The following USP42 variants were observed in gnomAD, a reference collection of about 807,000 sequenced individuals.
USP42 encodes the protein ubiquitin carboxyl-terminal hydrolase 42.
Under a neutral mutation model 113.0 loss-of-function variants are expected in USP42, and 23 were observed. The observed-to-expected ratio is 0.20, with a 90% CI of 0.15 to 0.29. USP42 has a LOEUF of 0.29. USP42 is among the 10% of genes least tolerant of loss of function. USP42 has a pLI of 1.00. For missense variants in USP42, 2,174 were observed against 1,779.8 expected (o/e 1.22, Z -3.99); for synonymous variants, 933 against 699.0 (o/e 1.33, Z -5.28).
chr7:6,083,641 A>G, the USP42 span, among the ~76,000 whole-genome samples: 2 of 150,702 alleles, frequency 1.3e-5, no homozygotes, highest in Non-Finnish European at 2.9e-5. Flanking sequence ...TAACACCAGA[A>G]TATATAAGTA....
At chr7:6,145,408 G>C in intron 9 of USP42, 108 bp from the exon 10 acceptor site, 1 of 1,299,520 alleles carries the variant, frequency 7.7e-7, no homozygotes, top group Non-Finnish European at 1.1e-6. Context: ...ACAGGGCTCA[G>C]GTGTTCTGTG....
In USP42 at chr7:6,155,080, A is replaced by G. The variant is rs201338882; in HGVS notation, c.3526A>G (p.Lys1176Glu). The G allele has an allele frequency of 2.3e-4, 360 of 1,562,642 alleles. No homozygotes were observed. Among genetic ancestry groups the G allele is most frequent in the Non-Finnish European group, 3.0e-4 (345 of 1,153,590 alleles). ...SVENSDSHVE[K>E]KARRSEQKDP... ...GGAGAACAGTGACAGTCATGTTGAAAAGAAAGCCCGGAGGAGCGAACAGAA... is the reference window on the plus strand; with the variant it reads ...GGAGAACAGTGACAGTCATGTTGAAGAGAAAGCCCGGAGGAGCGAACAGAA... Residue 1176 changes from lysine (K) to glutamate (E), a missense_variant, in exon 15 of 18, where the codon AAG becomes GAG. Transcript: ENST00000306177.
At chr7:6,151,462 G>A (rs1258225117) in intron 14 of USP42, among the ~76,000 whole-genome samples, 2 of 152,042 alleles carry the variant, frequency 1.3e-5, no homozygotes, top group Non-Finnish European at 1.5e-5. Flanking sequence ...TGTTTGAGAC[G>A]GAGTCTCGCT....
chr7:6,154,792 G>C lies in USP42; in HGVS notation c.3238G>C (p.Gly1080Arg). Residue 1080 changes from glycine to arginine, a missense_variant, in exon 15 of 18, where the codon GGC becomes CGC. Gly to Arg is a moderately radical substitution (Grantham distance 125, BLOSUM62 -2). Coordinates refer to ENST00000306177, the MANE Select transcript of USP42 (RefSeq NM_032172.3). ...CCGGGACTGGAAGCCCTTCCACGGCGGCCGCGAGCACGAGCGGGCCGGGCT... is the reference window on the plus strand; with the variant it reads ...CCGGGACTGGAAGCCCTTCCACGGCCGCCGCGAGCACGAGCGGGCCGGGCT... Reference protein sequence around the residue: ...AARDWKPFHGGREHERAGLHE... With the variant: ...AARDWKPFHGRREHERAGLHE... The C allele has an allele frequency of 6.5e-7, 1 of 1,548,190 alleles. No homozygotes were observed.
rs1436682615 is a variant in USP42, at chr7:6,147,635, C to A, written c.1233-104C>A. 9 of 1,337,954 alleles carry A rather than the reference C, an allele frequency of 6.7e-6. No individual in the cohort carries two copies. In the East Asian group the frequency reaches 1.0e-4, roughly 15 times the overall value. 82.9% of individuals were successfully genotyped at this position (1,337,954 alleles called of 1,614,324 possible). ...TGTAGCATAAACATGCTATTTTTTT[C>A]ATCAGGTTTCCGCCTGAGGGGTTAA... On this transcript the variant is annotated intron_variant, in intron 11 of 17. Coordinates refer to ENST00000306177, the MANE Select transcript of USP42 (RefSeq NM_032172.3).
intron 1 of USP42, among the ~76,000 whole-genome samples, chr7:6,108,484 G>T (rs547136807): frequency 6.6e-6 from 1 of 152,128 alleles, no homozygotes; most frequent in Non-Finnish European, 1.5e-5. Context: ...TACTTTTACA[G>T]TATCCTTTTC....
At chr7:6,095,788 G>A in the USP42 span, among the ~76,000 whole-genome samples, 1 of 150,872 alleles carries the variant, frequency 6.6e-6, no homozygotes, top group Non-Finnish European at 1.5e-5. Context: ...TTTTGTTTTT[G>A]AGACAGGGTC....
the USP42 span, among the ~76,000 whole-genome samples, chr7:6,097,609 G>C: frequency 1.4e-5 from 2 of 143,860 alleles, no homozygotes; most frequent in Middle Eastern, 3.6e-3. Flanking sequence ...TTTTTTTTTC[G>C]AGACAGAGTC....
intron 3 of USP42, among the ~76,000 whole-genome samples, chr7:6,120,462 C>T (rs1223620559): frequency 6.6e-6 from 1 of 152,074 alleles, no homozygotes; most frequent in African/African-American, 2.4e-5. Context: ...AGGCTGGTCT[C>T]AAACTCCTGA....
At chr7:6,129,112 C>G (rs562323372) in intron 3 of USP42, among the ~76,000 whole-genome samples, 1 of 152,114 alleles carries the variant, frequency 6.6e-6, no homozygotes, top group Non-Finnish European at 1.5e-5. Flanking sequence ...GGGCCTGTAG[C>G]CTTTTTAGTG....
intron 5 of USP42, 58 bp from the exon 6 acceptor site, chr7:6,140,070 A>T: frequency 6.8e-7 from 1 of 1,470,524 alleles, no homozygotes; most frequent in Non-Finnish European, 9.5e-7. Context: ...AAATCTGGTC[A>T]CAGCATCTGG....
At position 6,154,180 on chromosome 7, in the gene USP42, A is replaced by G. The variant is rs1266996264; in HGVS notation, c.2626A>G (p.Ser876Gly). The G allele has an allele frequency of 1.6e-5, 26 of 1,600,014 alleles. No individual in the cohort carries two copies. Among genetic ancestry groups the G allele is most frequent in the Non-Finnish European group, 2.1e-5 (25 of 1,175,478 alleles). The change falls in exon 15 of 18, where the codon AGC (serine) becomes GGC (glycine). Residue 876 changes from serine to glycine, a missense_variant. By Grantham distance (56) the Ser-to-Gly change is moderately conservative (BLOSUM62 0). Transcript: ENST00000306177. ...CGAGCAGCCACTCCTTGTTCACCCC[A>G]GCGGGGACCACGCCCGGGACGCTCA... ...PCEQPLLVHP[S>G]GDHARDAQDP...
At chr7:6,092,038 C>CTT in the USP42 span, among the ~76,000 whole-genome samples, 1,978 of 103,848 alleles carry the variant, frequency 0.019, 162 homozygotes, top group Non-Finnish European at 0.029. Flanking sequence ...TCTTCTTCTT[C>CTT]TTCTTCTTCT....
Position 6,127,762 on chromosome 7 carries a change from G to A in USP42, c.443-8079G>A, listed in dbSNP as rs59554136. On this transcript the variant is annotated intron_variant, in intron 3 of 17. Coordinates refer to ENST00000306177, the MANE Select transcript of USP42 (RefSeq NM_032172.3). ...GGCTATTCTAGTTACATTGCTTTTC[G>A]TTACAAATTATAAAATAATCTATAT... 4.3e-3 allele frequency among the ~76,000 whole-genome samples: 652 copies of A among 152,130 alleles called. 4 individuals are homozygous for A. The highest frequency in any genetic ancestry group is 0.015 in the African/African-American group (619 of 41,500).
intron 14 of USP42, among the ~76,000 whole-genome samples, chr7:6,152,588 C>G (rs1032880634): frequency 1.4e-4 from 21 of 152,172 alleles, no homozygotes; most frequent in African/African-American, 4.8e-4. Context: ...GGGCAGGGAA[C>G]ACTCATTCCC....
chr7:6,153,214 A>C (rs1047275825), intron 14 of USP42, among the ~76,000 whole-genome samples: 1 of 151,984 alleles, frequency 6.6e-6, no homozygotes, highest in Non-Finnish European at 1.5e-5. Context: ...TGGAGGTTGC[A>C]GGGAGCTGAG....
intron 9 of USP42, among the ~76,000 whole-genome samples, chr7:6,145,097 G>A (rs1781639405): frequency 6.6e-6 from 1 of 152,240 alleles, no homozygotes; most frequent in South Asian, 2.1e-4. Flanking sequence ...ACTTTGGGAG[G>A]CCAAGCTGGG....
Position 6,139,148 on chromosome 7 carries a change from T to C in USP42, c.610T>C (p.Tyr204His), listed in dbSNP as rs1421360405. The C allele has an allele frequency of 1.3e-5, 21 of 1,610,530 alleles. No individual in the cohort carries two copies. The highest frequency in any genetic ancestry group is 1.8e-5 in the Non-Finnish European group (21 of 1,178,428). Residue 204 changes from tyrosine (Y) to histidine (H), a missense_variant, in exon 5 of 18, where the codon TAC becomes CAC. By Grantham distance (83) the Tyr-to-His change is moderately conservative. Transcript: ENST00000306177. This position sits in a 1 kb window ranked among gnomAD's most constrained non-coding sequence, Gnocchi z 4.5. The part of the protein sequence containing the change: ...NQEDAHEFLQ[Y>H]TVDAMQKACL... ...AGAAGATGCCCATGAATTCCTTCAA[T>C]ACACTGTTGATGCTATGCAGAAAGC...
intron 8 of USP42, among the ~76,000 whole-genome samples, chr7:6,143,558 CA>C (rs1371506703): frequency 6.6e-6 from 1 of 152,044 alleles, no homozygotes; most frequent in Non-Finnish European, 1.5e-5. Context: ...AGTAGATTTC[CA>C]CTTTGTGGTC....
Sources: allele counts gnomAD v4.1 joint callset (sites outside exome capture counted in the v4.1 genomes callset), GRCh38; gene constraint gnomAD v4.1.1; non-coding constraint Gnocchi (gnomAD v3.1); transcripts MANE v1.5; gene names NCBI Gene and HGNC (gene_info 2026-07-23, HGNC 2026-07-21).